PPM1E: variants seen among roughly 807,000 people sequenced by gnomAD.
The protein encoded by PPM1E is protein phosphatase, Mg2+/Mn2+ dependent 1E.
PPM1E carries 20 observed loss-of-function variants against 65.9 expected under a neutral mutation model. The ratio of observed to expected loss-of-function variants is 0.30; its 90% CI spans 0.21 to 0.44. The LOEUF is 0.44. Ranked by LOEUF, PPM1E falls within the 20% of genes least tolerant of loss-of-function variation. The pLI is 1.00. For synonymous variants in PPM1E, 352 were observed against 374.9 expected, an observed-to-expected ratio of 0.94 and a Z score of 0.70; for missense variants, 713 against 953.1, an observed-to-expected ratio of 0.75 and a Z score of 3.32.
At chr17:58,758,177 G>A (rs779606026) in intron 1 of PPM1E, among the ~76,000 whole-genome samples, 2 of 151,672 alleles carry the variant, frequency 1.3e-5, no homozygotes, top group African/African-American at 2.4e-5. Context: ...CATTTGCCAT[G>A]TAAGAAGGTT....
intron 1 of PPM1E, among the ~76,000 whole-genome samples, chr17:58,893,594 A>G (rs1006140238): frequency 1.3e-5 from 2 of 152,186 alleles, no homozygotes; most frequent in Admixed American, 6.5e-5. Context: ...AGTGTAAACT[A>G]TGGACTTTGG....
intron 2 of PPM1E, among the ~76,000 whole-genome samples, 162 bp from the exon 3 acceptor site, chr17:58,965,532 T>C (rs922611332): frequency 2.6e-5 from 4 of 152,184 alleles, no homozygotes. Flanking sequence ...GGTTGTGATT[T>C]TCTCTCTTCA....
At chr17:58,816,468 AATC>A (rs2050415670) in intron 1 of PPM1E, among the ~76,000 whole-genome samples, 1 of 151,404 alleles carries the variant, frequency 6.6e-6, no homozygotes, top group South Asian at 2.1e-4. Context: ...AATGTTGTGT[AATC>A]ATCACCACCA....
At chr17:58,973,093 A>G (rs1598701844) in intron 6 of PPM1E, among the ~76,000 whole-genome samples, 168 bp downstream of exon 6, 1 of 152,266 alleles carries the variant, frequency 6.6e-6, no homozygotes, top group East Asian at 1.9e-4. Flanking sequence ...ATTTAGTTAA[A>G]CCTGTACATT....
chr17:58,913,847 T>C (rs933489156), intron 1 of PPM1E, among the ~76,000 whole-genome samples: 5 of 152,174 alleles, frequency 3.3e-5, no homozygotes, highest in African/African-American at 4.8e-5. Context: ...ATGTTATTCA[T>C]AGGAGCAACT....
rs949966714 is a variant in PPM1E, at chr17:58,982,179, G to A, written c.*1148G>A. On this transcript the variant is annotated 3_prime_UTR_variant, in exon 7 of 7. Transcript: ENST00000308249. ...TAATTGGAAGACACATGAGTGTCCT[G>A]CTTACATGTAGCTTCAGACTGCAGA... The A allele has an allele frequency of 7.2e-5, 11 of 152,606 alleles. No individual in the cohort carries two copies. The highest frequency in any genetic ancestry group is 2.7e-4 in the African/African-American group (11 of 41,442). 9.5% of individuals were successfully genotyped at this position (152,606 alleles called of 1,614,324 possible).
At chr17:58,973,550 C>CA (rs1663265473) in intron 6 of PPM1E, among the ~76,000 whole-genome samples, 1 of 151,764 alleles carries the variant, frequency 6.6e-6, no homozygotes, top group South Asian at 2.1e-4. Context: ...CACAGTGGCT[C>CA]ACGCCTGTAA....
chr17:58,776,355 C>T (rs1282314942), intron 1 of PPM1E, among the ~76,000 whole-genome samples: 1 of 152,062 alleles, frequency 6.6e-6, no homozygotes, highest in African/African-American at 2.4e-5. Flanking sequence ...CCTTGATTGA[C>T]CCAAATGAAA....
rs139507695 is a variant in PPM1E at position 58,980,977 on chromosome 17, A to G, written c.2214A>G (p.Arg738=). 1 of 1,614,064 alleles carries G rather than the reference A, an allele frequency of 6.2e-7. No homozygotes were observed. Among genetic ancestry groups the G allele is most frequent in the South Asian group, 1.1e-5 (1 of 91,054 alleles). The change falls in exon 7 of 7, where the codon AGA becomes AGG. Residue 738 remains arginine, a synonymous_variant. Coordinates refer to ENST00000308249, the MANE Select transcript of PPM1E (RefSeq NM_014906.5). This position sits in a 1 kb window ranked among gnomAD's most constrained non-coding sequence, Gnocchi z 4.7. ...KGYSENMRKL[R]KTHDIPCPDL... is the part of the protein sequence containing the mutation. The stretch of plus-strand genomic sequence containing the variant: ...ACAGTGAAAACATGAGGAAGCTCAG[A>G]AAGACTCATGATATTCCATGCCCAG...
rs115076138 is a variant in PPM1E, at chr17:58,791,675, A to T, written c.464+35214A>T. On this transcript the variant is annotated intron_variant, in intron 1 of 6. Transcript: ENST00000308249. ...CACCCAGGATCGATGTGAATAGGGC[A>T]GTATTTTCCTGCCAGAGGTTATAGG... Among the ~76,000 whole-genome samples the T allele has an allele frequency of 6.6e-3, 1,012 of 152,308 alleles. 10 individuals are homozygous for T. Among genetic ancestry groups the T allele is most frequent in the African/African-American group, 0.023 (946 of 41,576 alleles).
intron 1 of PPM1E, among the ~76,000 whole-genome samples, chr17:58,943,315 CA>C (rs905393149): frequency 3.3e-5 from 5 of 151,750 alleles, no homozygotes; most frequent in African/African-American, 7.2e-5. Context: ...AACAAAACAA[CA>C]AAAAAAACAC....
intron 1 of PPM1E, among the ~76,000 whole-genome samples, chr17:58,856,627 G>A (rs1332900229): frequency 6.6e-6 from 1 of 152,154 alleles, no homozygotes; most frequent in Non-Finnish European, 1.5e-5. Context: ...GTTAAATGAA[G>A]TCCTTAAAGT....
At chr17:58,888,485 T>C (rs1207011941) in intron 1 of PPM1E, among the ~76,000 whole-genome samples, 1 of 148,276 alleles carries the variant, frequency 6.7e-6, no homozygotes, top group Non-Finnish European at 1.5e-5. Flanking sequence ...TGCCTCAGCC[T>C]CCCGAGTAGC....
At chr17:58,849,955 G>C (rs913261892) in intron 1 of PPM1E, among the ~76,000 whole-genome samples, 24 of 152,114 alleles carry the variant, frequency 1.6e-4, no homozygotes, top group African/African-American at 5.8e-4. Flanking sequence ...TTATGAATCT[G>C]GGTGCTTCTG....
intron 1 of PPM1E, among the ~76,000 whole-genome samples, chr17:58,841,109 C>G (rs1436005994): frequency 6.6e-6 from 1 of 152,138 alleles, no homozygotes. Context: ...TTGTTGCTAA[C>G]TTATCAGGAC....
intron 1 of PPM1E, among the ~76,000 whole-genome samples, chr17:58,944,612 G>A (rs1447329710): frequency 1.3e-5 from 2 of 152,086 alleles, no homozygotes; most frequent in African/African-American, 2.4e-5. Context: ...CTTTGTGACT[G>A]GCTTCTGTTG....
At chr17:58,952,125 T>A (rs897224909) in intron 1 of PPM1E, among the ~76,000 whole-genome samples, 3 of 152,230 alleles carry the variant, frequency 2.0e-5, no homozygotes, top group African/African-American at 7.2e-5. Flanking sequence ...CTAGTGATGT[T>A]TGTGAGTATC....
intron 1 of PPM1E, among the ~76,000 whole-genome samples, chr17:58,854,529 T>C (rs2050861575): frequency 6.6e-6 from 1 of 152,204 alleles, no homozygotes; most frequent in South Asian, 2.1e-4. Context: ...TCATTGAATA[T>C]AGTGCTTTTT....
chr17:58,892,216 T>G (rs2051356520), intron 1 of PPM1E, among the ~76,000 whole-genome samples: 2 of 152,186 alleles, frequency 1.3e-5, no homozygotes, highest in Admixed American at 6.6e-5. Flanking sequence ...GATTCTAAAC[T>G]GCAGAGGAGA....
Sources: allele counts gnomAD v4.1 joint callset (sites outside exome capture counted in the v4.1 genomes callset), GRCh38; gene constraint gnomAD v4.1.1; non-coding constraint Gnocchi (gnomAD v3.1); transcripts MANE v1.5; gene names NCBI Gene and HGNC (gene_info 2026-07-23, HGNC 2026-07-21).